CTNNA3: variants seen among roughly 807,000 people sequenced by gnomAD.
The protein encoded by CTNNA3 is catenin alpha-3.
A neutral mutation model predicts 95.7 loss-of-function variants in CTNNA3; 76 were observed. The observed-to-expected ratio is 0.79, with a 90% CI of 0.66 to 0.96. CTNNA3 has a LOEUF of 0.96. Among genes scored for constraint, CTNNA3 ranks in the 40% least tolerant of loss-of-function variants. CTNNA3 has a pLI of 0.00. For missense variants in CTNNA3, 1,191 were observed against 1,089.8 expected, an observed-to-expected ratio of 1.09 and a Z score of -1.31; for synonymous variants, 431 against 374.4, an observed-to-expected ratio of 1.15 and a Z score of -1.74.
intron 12 of CTNNA3, among the ~76,000 whole-genome samples, chr10:66,320,183 T>C (rs1463949822): frequency 6.6e-6 from 1 of 152,106 alleles, no homozygotes; most frequent in Non-Finnish European, 1.5e-5. Context: ...TCATTTTGAA[T>C]ATTCTTTCTT....
rs115888736 is a variant in CTNNA3, at chr10:67,143,601, G to A, written c.1047+36716C>T. Reference sequence around the variant, plus strand: ...TTGTTGTCATTTAACCATGTTCACAGCATCTTCACTGGGAATAGAGTTCAT... The same window carrying A: ...TTGTTGTCATTTAACCATGTTCACAACATCTTCACTGGGAATAGAGTTCAT... On this transcript the variant is annotated intron_variant, in intron 7 of 17. Transcript: ENST00000433211. Among the ~76,000 whole-genome samples the A allele has an allele frequency of 4.4e-3, 667 of 152,112 alleles. 5 individuals carry two copies. Among genetic ancestry groups the A allele is most frequent in the African/African-American group, 0.015 (631 of 41,502 alleles).
chr10:67,718,003 G>T (rs1008449854), intron 1 of CTNNA3, among the ~76,000 whole-genome samples: 3 of 152,080 alleles, frequency 2.0e-5, no homozygotes, highest in African/African-American at 7.2e-5. Flanking sequence ...TTGAGCAATG[G>T]TTTATAGTTC....
rs530785255 is a variant in CTNNA3 at position 66,876,001 on chromosome 10, A to C, written c.1048-100477T>G. ...CCCAAAGGTTACATCAAGCAGGCCC[A>C]AGACTTGTTTAAGAAAAATTGAGAC... is the stretch of plus-strand genomic sequence containing the variant. On this transcript the variant is annotated intron_variant, in intron 7 of 17. Coordinates refer to ENST00000433211, the MANE Select transcript of CTNNA3 (RefSeq NM_013266.4). 6.6e-5 allele frequency among the ~76,000 whole-genome samples: 10 copies of C among 152,280 alleles called. No homozygotes were observed. In the South Asian group the frequency reaches 2.1e-3, roughly 32 times the overall value.
At chr10:66,722,866 CT>C (rs1371392655) in intron 9 of CTNNA3, among the ~76,000 whole-genome samples, 3 of 152,086 alleles carry the variant, frequency 2.0e-5, no homozygotes, top group Admixed American at 6.6e-5. Context: ...TAGACAGAGA[CT>C]TGGCATGACA....
intron 7 of CTNNA3, among the ~76,000 whole-genome samples, chr10:67,069,661 G>A (rs2131843539): frequency 1.4e-5 from 2 of 145,804 alleles, no homozygotes; most frequent in East Asian, 4.1e-4. Context: ...ATGTCTATAA[G>A]TAGAATCACT....
chr10:65,948,609 A>G (rs1053467134), intron 17 of CTNNA3, among the ~76,000 whole-genome samples: 2 of 152,116 alleles, frequency 1.3e-5, no homozygotes, highest in Non-Finnish European at 2.9e-5. Flanking sequence ...TATTACCACA[A>G]ATCCGTGCTA....
chr10:66,891,084 A>G lies in CTNNA3; in HGVS notation c.1048-115560T>C, dbSNP rs562284263. The stretch of plus-strand genomic sequence containing the variant: ...GAGTGGAAGTATTACCATATCTCCA[A>G]TCCAAATCTTAGGACCAGATAAGAA... On this transcript the variant is annotated intron_variant, in intron 7 of 17. Coordinates refer to ENST00000433211, the MANE Select transcript of CTNNA3 (RefSeq NM_013266.4). Among the ~76,000 whole-genome samples, 52 of 152,218 alleles carry G rather than the reference A, an allele frequency of 3.4e-4. 2 individuals are homozygous for G. The South Asian group carries it at 0.01, about 30-fold the overall frequency.
At position 67,444,961 on chromosome 10, in the gene CTNNA3, A is replaced by G. The variant is rs537826133; in HGVS notation, c.579+76881T>C. On this transcript the variant is annotated intron_variant, in intron 5 of 17. Coordinates refer to ENST00000433211, the MANE Select transcript of CTNNA3 (RefSeq NM_013266.4). ...TATGGCTTCACTGCTGAATCCTATC[A>G]AACATTTAAAGAAGAACTAATTACT... is the stretch of plus-strand genomic sequence containing the variant. Among the ~76,000 whole-genome samples, 8 of 152,278 alleles carry G rather than the reference A, an allele frequency of 5.3e-5. No individual in the cohort carries two copies. The South Asian group carries it at 1.4e-3, about 28-fold the overall frequency.
At chr10:66,930,307 A>G (rs1054736788) in intron 7 of CTNNA3, among the ~76,000 whole-genome samples, 6 of 152,240 alleles carry the variant, frequency 3.9e-5, no homozygotes, top group Non-Finnish European at 7.3e-5. Flanking sequence ...ACATGTATTC[A>G]TGACAAAAAG....
chr10:66,844,563 G>A (rs1843182239), intron 7 of CTNNA3, among the ~76,000 whole-genome samples: 1 of 152,134 alleles, frequency 6.6e-6, no homozygotes, highest in Non-Finnish European at 1.5e-5. Context: ...CTCATGTAAA[G>A]GCTCTTCTTC....
chr10:66,254,046 G>C (rs748944011), intron 13 of CTNNA3, among the ~76,000 whole-genome samples: 1 of 152,160 alleles, frequency 6.6e-6, no homozygotes, highest in African/African-American at 2.4e-5. Flanking sequence ...TGGAGCCTCA[G>C]ATGCCTTCTC....
chr10:67,233,239 A>C (rs1865304502), intron 5 of CTNNA3, among the ~76,000 whole-genome samples: 1 of 152,070 alleles, frequency 6.6e-6, no homozygotes, highest in South Asian at 2.1e-4. Flanking sequence ...CACCTATTCC[A>C]AAATTGACCA....
At chr10:67,701,115 T>C (rs1589575700), upstream of CTNNA3, among the ~76,000 whole-genome samples, 1 of 152,132 alleles carries the variant, frequency 6.6e-6, no homozygotes, top group Non-Finnish European at 1.5e-5. Context: ...CCAAGAAATA[T>C]GGGACTATGT....
chr10:66,093,816 G>C (rs2081295341), intron 14 of CTNNA3, among the ~76,000 whole-genome samples: 1 of 152,008 alleles, frequency 6.6e-6, no homozygotes, highest in African/African-American at 2.4e-5. Context: ...CAATATATTA[G>C]CCTAGGGTGT....
intron 11 of CTNNA3, among the ~76,000 whole-genome samples, chr10:66,454,952 G>A (rs948581558): frequency 2.6e-5 from 4 of 152,054 alleles, no homozygotes; most frequent in African/African-American, 7.2e-5. Flanking sequence ...TTTATTCTAG[G>A]GGTACAAGTC....
At chr10:67,444,079 G>A (rs1846646790) in intron 5 of CTNNA3, among the ~76,000 whole-genome samples, 1 of 152,076 alleles carries the variant, frequency 6.6e-6, no homozygotes, top group Non-Finnish European at 1.5e-5. Context: ...ACATTTCAAT[G>A]GCTGCAGAAT....
chr10:67,020,698 G>C (rs1852950305), intron 7 of CTNNA3, among the ~76,000 whole-genome samples: 1 of 152,164 alleles, frequency 6.6e-6, no homozygotes, highest in Non-Finnish European at 1.5e-5. Context: ...TATTTAAGGG[G>C]AGAATAAGCA....
intron 5 of CTNNA3, among the ~76,000 whole-genome samples, chr10:67,517,325 A>G (rs1016346743): frequency 1.3e-5 from 2 of 152,170 alleles, no homozygotes; most frequent in African/African-American, 4.8e-5. Flanking sequence ...AACAAGTAGA[A>G]TTTTATTTTT....
At chr10:66,483,029 C>T (rs115311423) in intron 11 of CTNNA3, among the ~76,000 whole-genome samples, 5 of 152,110 alleles carry the variant, frequency 3.3e-5, no homozygotes, top group African/African-American at 9.7e-5. Context: ...TAAAGAAGGA[C>T]GTTTTCCTAA....
Sources: allele counts gnomAD v4.1 joint callset (sites outside exome capture counted in the v4.1 genomes callset), GRCh38; gene constraint gnomAD v4.1.1; transcripts MANE v1.5; gene names NCBI Gene and HGNC (gene_info 2026-07-23, HGNC 2026-07-21).